The following RHBDD1 variants were observed in gnomAD, a reference collection of about 807,000 sequenced individuals.
RHBDD1 encodes the protein rhomboid-related protein 4.
In RHBDD1, 38 loss-of-function variants were observed where a neutral mutation model predicts 36.3. That is an observed-to-expected ratio of 1.05 (90% confidence interval 0.81 to 1.37). The LOEUF (loss-of-function observed/expected upper bound fraction) is 1.37, where lower values mean the gene tolerates loss of function less well. RHBDD1 is among the 40% of genes most tolerant of loss of function. RHBDD1 has a pLI of 0.00. For synonymous variants in RHBDD1, 151 were observed against 136.5 expected, an observed-to-expected ratio of 1.11 and a Z score of -0.74; for missense variants, 393 against 377.6, an observed-to-expected ratio of 1.04 and a Z score of -0.34.
intron 5 of RHBDD1, among the ~76,000 whole-genome samples, chr2:226,898,301 G>A (rs1011572374): frequency 2.0e-5 from 3 of 152,218 alleles, no homozygotes; most frequent in Non-Finnish European, 4.4e-5. Context: ...AACATTGTCT[G>A]TTATCTTGGA....
chr2:226,996,795 T>TTACTTTTACAA lies in RHBDD1; in HGVS notation c.*1275_*1285dup, dbSNP rs1385355840. ...TGGAAGATGTGTTTATGTGTGTGTG[T>TTACTTTTACAA]TACTTTTACAATCAGGAAAACATAT... On this transcript the variant is annotated 3_prime_UTR_variant, in exon 9 of 9. Transcript: ENST00000392062. The TTACTTTTACAA allele has an allele frequency of 1.3e-5, 2 of 152,236 alleles. No homozygotes were observed. The highest frequency in any genetic ancestry group is 2.9e-5 in the Non-Finnish European group (2 of 68,038). 9.4% of individuals were successfully genotyped at this position (152,236 alleles called of 1,614,324 possible).
chr2:226,872,498 C>T lies in RHBDD1; in HGVS notation c.566+5180C>T, dbSNP rs1944875506. 2.0e-5 allele frequency among the ~76,000 whole-genome samples: 3 copies of T among 152,254 alleles called. 1 individual carries two copies. The South Asian group carries it at 6.2e-4, about 32-fold the overall frequency. On this transcript the variant is annotated intron_variant, in intron 5 of 8. Transcript: ENST00000392062. The stretch of plus-strand genomic sequence containing the variant: ...GTTTAGAAGAGCTTTCTTCACAGCT[C>T]ATCATGTAAATTTTTAGAATCACTG...
chr2:226,831,291 G>A (rs928627516), upstream of RHBDD1, among the ~76,000 whole-genome samples: 4 of 152,154 alleles, frequency 2.6e-5, no homozygotes, highest in African/African-American at 7.2e-5. Context: ...TTAAATTTCC[G>A]TACTTGTTAC....
intron 3 of RHBDD1, among the ~76,000 whole-genome samples, chr2:226,841,278 A>T (rs1469698531): frequency 2.0e-5 from 3 of 152,026 alleles, no homozygotes; most frequent in Non-Finnish European, 4.4e-5. Flanking sequence ...GACTACAGAC[A>T]TGTGCCACCA....
intron 5 of RHBDD1, among the ~76,000 whole-genome samples, chr2:226,905,104 C>G (rs1339374698): frequency 6.6e-6 from 1 of 151,670 alleles, no homozygotes; most frequent in Non-Finnish European, 1.5e-5. Flanking sequence ...AGTTTCCCAC[C>G]TTCTGGAATG....
chr2:226,988,857 C>A, intron 8 of RHBDD1: 1 of 246,974 alleles, frequency 4.0e-6, no homozygotes, highest in Non-Finnish European at 6.5e-6. Context: ...TATTGCCAAA[C>A]CTTACTCCTT....
chr2:226,855,580 A>G (rs1943244125), intron 3 of RHBDD1, among the ~76,000 whole-genome samples: 1 of 152,222 alleles, frequency 6.6e-6, no homozygotes. Flanking sequence ...GAGATAGTCT[A>G]ATGGTTGTGT....
chr2:226,956,783 A>C (rs1378991309), intron 8 of RHBDD1, among the ~76,000 whole-genome samples: 1 of 152,220 alleles, frequency 6.6e-6, no homozygotes. Flanking sequence ...GAGCTGCAGG[A>C]ATCCTAAGCA....
upstream of RHBDD1, among the ~76,000 whole-genome samples, chr2:226,831,391 G>A (rs1209503347): frequency 2.6e-5 from 4 of 152,316 alleles, 1 homozygote; most frequent in South Asian, 8.3e-4. Context: ...TCAAAAGAGG[G>A]TCATTGCAGA....
At chr2:226,932,441 T>G (rs1181960824) in intron 8 of RHBDD1, among the ~76,000 whole-genome samples, 3 of 152,194 alleles carry the variant, frequency 2.0e-5, no homozygotes, top group African/African-American at 4.8e-5. Context: ...TGAGTAATAC[T>G]GAATACCTAT....
At chr2:226,801,220 G>A in the RHBDD1 span, among the ~76,000 whole-genome samples, 1 of 152,204 alleles carries the variant, frequency 6.6e-6, no homozygotes, top group East Asian at 1.9e-4. Flanking sequence ...GGGCCGCGGG[G>A]GAGCGCGCCT....
intron 1 of RHBDD1, among the ~76,000 whole-genome samples, chr2:226,837,319 G>T (rs1487231014): frequency 6.6e-6 from 1 of 152,206 alleles, no homozygotes; most frequent in Non-Finnish European, 1.5e-5. Context: ...TTCTTCAGCG[G>T]GGTAGATATG....
At chr2:226,806,906 C>A in the RHBDD1 span, among the ~76,000 whole-genome samples, 1,529 of 152,338 alleles carry the variant, frequency 0.01, 11 homozygotes, top group Non-Finnish European at 0.018. Context: ...GGATGCACCA[C>A]CAATTGAACT....
intron 8 of RHBDD1, among the ~76,000 whole-genome samples, chr2:226,979,260 A>G (rs1955172299): frequency 1.3e-5 from 2 of 152,194 alleles, no homozygotes; most frequent in Non-Finnish European, 1.5e-5. Context: ...CAGTTCAGCT[A>G]AAAACTAGGT....
At chr2:226,931,610 TA>T (rs1469763852) in intron 8 of RHBDD1, among the ~76,000 whole-genome samples, 1 of 152,114 alleles carries the variant, frequency 6.6e-6, no homozygotes, top group African/African-American at 2.4e-5. Context: ...TTCATCCATG[TA>T]ACTAAAAATT....
intron 5 of RHBDD1, among the ~76,000 whole-genome samples, chr2:226,893,233 C>T (rs904771659): frequency 2.6e-5 from 4 of 152,216 alleles, no homozygotes; most frequent in African/African-American, 4.8e-5. Flanking sequence ...ATGGGAATAT[C>T]TATTTGCTTC....
chr2:226,880,571 A>G (rs1335669383), intron 5 of RHBDD1, among the ~76,000 whole-genome samples: 2 of 152,154 alleles, frequency 1.3e-5, no homozygotes, highest in Non-Finnish European at 2.9e-5. Context: ...GAGGTGTATT[A>G]ATCAACTCTC....
intron 7 of RHBDD1, among the ~76,000 whole-genome samples, chr2:226,913,665 C>A (rs1432473388): frequency 6.6e-6 from 1 of 151,738 alleles, no homozygotes; most frequent in African/African-American, 2.4e-5. Flanking sequence ...ATCTAGAAAC[C>A]TTTTTTTGGG....
intron 5 of RHBDD1, 184 bp from the exon 6 acceptor site, chr2:226,906,609 C>CT (rs1008008139): frequency 8.5e-5 from 113 of 1,333,246 alleles, no homozygotes; most frequent in South Asian, 9.5e-5. Flanking sequence ...ATTCATTGTA[C>CT]TTTTTTTTAA....
Sources: allele counts gnomAD v4.1 joint callset (sites outside exome capture counted in the v4.1 genomes callset), GRCh38; gene constraint gnomAD v4.1.1; transcripts MANE v1.5; gene names NCBI Gene and HGNC (gene_info 2026-07-23, HGNC 2026-07-21).